Variants in NPAS3 observed in about 807,000 individuals in gnomAD.
NPAS3 encodes the protein neuronal PAS domain protein 3, also known as neuronal PAS domain-containing protein 3.
Under a neutral mutation model 73.1 loss-of-function variants are expected in NPAS3, and 14 were observed. That is an observed-to-expected ratio of 0.19 (90% confidence interval 0.13 to 0.30). The LOEUF (loss-of-function observed/expected upper bound fraction) is 0.30, where lower values mean the gene tolerates loss of function less well. Among genes scored for constraint, NPAS3 ranks in the 10% least tolerant of loss-of-function variants. The pLI is 1.00. For synonymous variants in NPAS3, 620 were observed against 541.5 expected (o/e 1.14, Z -2.01); for missense variants, 1,096 against 1,250.0 (o/e 0.88, Z 1.86).
intron 3 of NPAS3, among the ~76,000 whole-genome samples, chr14:33,357,669 A>G (rs1381864962): frequency 1.3e-5 from 2 of 152,186 alleles, no homozygotes; most frequent in Admixed American, 6.5e-5. Flanking sequence ...CTCATTCACA[A>G]GTATTTATTG....
At chr14:33,523,101 A>G (rs2053628947) in intron 4 of NPAS3, among the ~76,000 whole-genome samples, 1 of 152,154 alleles carries the variant, frequency 6.6e-6, no homozygotes, top group South Asian at 2.1e-4. Context: ...ACTCAGGGGA[A>G]TTATAATCCA....
chr14:33,455,172 A>G (rs1467260443), intron 4 of NPAS3, among the ~76,000 whole-genome samples: 1 of 152,252 alleles, frequency 6.6e-6, no homozygotes, highest in East Asian at 1.9e-4. Context: ...AACTGTTGAA[A>G]GTAAAAACAA....
intron 1 of NPAS3, among the ~76,000 whole-genome samples, chr14:33,003,086 A>G (rs2038868344): frequency 6.7e-6 from 1 of 150,330 alleles, no homozygotes; most frequent in Admixed American, 6.6e-5. Context: ...TTTTTTTCGC[A>G]GAATTGAGGA....
chr14:33,431,081 A>G (rs2048764325), intron 4 of NPAS3, among the ~76,000 whole-genome samples: 1 of 152,200 alleles, frequency 6.6e-6, no homozygotes, highest in African/African-American at 2.4e-5. Flanking sequence ...ATGCAAAATT[A>G]TATAATGTGA....
chr14:33,258,773 T>A (rs181142906), intron 3 of NPAS3, among the ~76,000 whole-genome samples: 2 of 152,310 alleles, frequency 1.3e-5, no homozygotes, highest in Admixed American at 6.5e-5. Flanking sequence ...CTTATTTGAA[T>A]GGAGGAAAAT....
At chr14:33,168,347 TGAG>T (rs1374624864) in intron 2 of NPAS3, among the ~76,000 whole-genome samples, 3 of 152,068 alleles carry the variant, frequency 2.0e-5, no homozygotes, top group South Asian at 4.1e-4. Flanking sequence ...TCCCTTGCCT[TGAG>T]GAGCAGAGAA....
At chr14:33,631,966 T>C (rs571075000) in intron 5 of NPAS3, among the ~76,000 whole-genome samples, 1 of 152,344 alleles carries the variant, frequency 6.6e-6, no homozygotes, top group South Asian at 2.1e-4. Context: ...CTGAATCCTC[T>C]TCCTTGCTGC....
At chr14:33,671,301 C>G (rs1888043) in intron 5 of NPAS3, among the ~76,000 whole-genome samples, 1 of 151,890 alleles carries the variant, frequency 6.6e-6, no homozygotes, top group African/African-American at 2.4e-5. Context: ...ACAAATTAGC[C>G]CCCCCATCCT....
intron 2 of NPAS3, among the ~76,000 whole-genome samples, chr14:33,207,254 C>T (rs1347773243): frequency 2.0e-4 from 3 of 14,854 alleles, no homozygotes; most frequent in Non-Finnish European, 4.4e-4. Context: ...CACACACACA[C>T]ACACACACAC....
At chr14:33,217,112 A>C (rs780614841) in intron 3 of NPAS3, among the ~76,000 whole-genome samples, 34 of 152,180 alleles carry the variant, frequency 2.2e-4, no homozygotes, top group Non-Finnish European at 4.1e-4. Context: ...ACATGGCAGC[A>C]GGAGAGAGAA....
At chr14:33,797,149 TC>T (rs1415354140) in intron 10 of NPAS3, among the ~76,000 whole-genome samples, 1 of 152,094 alleles carries the variant, frequency 6.6e-6, no homozygotes, top group Non-Finnish European at 1.5e-5. Flanking sequence ...CATCCTCCCT[TC>T]CCCCAGGTGT....
chr14:33,443,332 C>T (rs2049337264), intron 4 of NPAS3, among the ~76,000 whole-genome samples: 1 of 151,830 alleles, frequency 6.6e-6, no homozygotes, highest in African/African-American at 2.4e-5. Flanking sequence ...TTGCTGCCTC[C>T]CAGTGATCAC....
At chr14:33,271,210 C>A (rs1412816944) in intron 3 of NPAS3, among the ~76,000 whole-genome samples, 2 of 152,174 alleles carry the variant, frequency 1.3e-5, no homozygotes, top group East Asian at 3.9e-4. Flanking sequence ...TCTTCTTGGC[C>A]TCTCTGTGCA....
At chr14:33,415,387 TC>T (rs2048105531) in intron 4 of NPAS3, among the ~76,000 whole-genome samples, 1 of 152,146 alleles carries the variant, frequency 6.6e-6, no homozygotes, top group Non-Finnish European at 1.5e-5. Flanking sequence ...TTATTTTATG[TC>T]CTCCCCAGTC....
At chr14:33,429,149 G>A (rs941770224) in intron 4 of NPAS3, among the ~76,000 whole-genome samples, 9 of 152,114 alleles carry the variant, frequency 5.9e-5, no homozygotes, top group African/African-American at 1.9e-4. Context: ...TTCACAGAGG[G>A]AAGATTAAAA....
chr14:33,099,442 G>T (rs891515706), intron 2 of NPAS3, among the ~76,000 whole-genome samples: 1 of 152,048 alleles, frequency 6.6e-6, no homozygotes, highest in South Asian at 2.1e-4. Flanking sequence ...AGGTTCAGAA[G>T]CCTTGCTTTA....
intron 7 of NPAS3, among the ~76,000 whole-genome samples, chr14:33,744,392 A>C (rs1373133189): frequency 6.6e-6 from 1 of 152,198 alleles, no homozygotes; most frequent in Non-Finnish European, 1.5e-5. Flanking sequence ...TTTATCAATT[A>C]AGTTCACCTC....
At chr14:33,184,803 T>C (rs992913219) in intron 2 of NPAS3, among the ~76,000 whole-genome samples, 2 of 152,122 alleles carry the variant, frequency 1.3e-5, no homozygotes, top group African/African-American at 4.8e-5. Context: ...TTAACAAGGA[T>C]AGGCACCAGT....
chr14:33,166,387 C>G lies in NPAS3; in HGVS notation c.141-48795C>G, dbSNP rs374489568. 1.2e-4 allele frequency among the ~76,000 whole-genome samples: 18 copies of G among 152,240 alleles called. 2 individuals are homozygous for G. Among genetic ancestry groups the G allele is most frequent in the Admixed American group, 8.5e-4 (13 of 15,288 alleles). On this transcript the variant is annotated intron_variant, in intron 2 of 11. Coordinates refer to ENST00000356141, the Ensembl canonical transcript of NPAS3. Reference sequence around the variant, plus strand: ...CTAGTTTTTCCATAAACATAAGTATCTCTTCCCTTTGTATGTCCCTCAGTT... The same window carrying G: ...CTAGTTTTTCCATAAACATAAGTATGTCTTCCCTTTGTATGTCCCTCAGTT...
Sources: gnomAD v4.1 joint callset for allele counts (sites outside exome capture counted in the v4.1 genomes callset) on GRCh38, gnomAD v4.1.1 for gene constraint, MANE v1.5 for transcripts, NCBI Gene and HGNC (gene_info 2026-07-23, HGNC 2026-07-21) for gene names.